ZNF438: variants seen among roughly 807,000 people sequenced by gnomAD.
The protein encoded by ZNF438 is zinc finger protein 438.
A neutral mutation model predicts 38.0 loss-of-function variants in ZNF438; 25 were observed. The ratio of observed to expected loss-of-function variants is 0.66; its 90% CI spans 0.48 to 0.92. ZNF438 has a LOEUF of 0.92. ZNF438 is among the 40% of genes least tolerant of loss of function. The pLI, the probability that ZNF438 is intolerant of heterozygous loss-of-function variation, is 0.00. For synonymous variants in ZNF438, 372 were observed against 364.1 expected, an observed-to-expected ratio of 1.02 and a Z score of -0.25; for missense variants, 1,007 against 999.6, an observed-to-expected ratio of 1.01 and a Z score of -0.10.
chr10:31,013,777 C>T (rs1343067201), intron 1 of ZNF438, among the ~76,000 whole-genome samples: 1 of 152,196 alleles, frequency 6.6e-6, no homozygotes, highest in Non-Finnish European at 1.5e-5. Context: ...TAAATGCTTA[C>T]ATTTCTCCCA....
chr10:30,994,680 AG>A (rs1460591346), intron 1 of ZNF438, among the ~76,000 whole-genome samples: 1 of 152,202 alleles, frequency 6.6e-6, no homozygotes, highest in Non-Finnish European at 1.5e-5. Flanking sequence ...TTACAGTAAC[AG>A]AAAATGGACT....
chr10:30,976,336 C>T (rs2136316762), intron 1 of ZNF438, among the ~76,000 whole-genome samples: 1 of 152,194 alleles, frequency 6.6e-6, no homozygotes, highest in South Asian at 2.1e-4. Flanking sequence ...GGAAACATAT[C>T]TAAAAGTAAT....
intron 1 of ZNF438, among the ~76,000 whole-genome samples, chr10:31,016,114 T>C (rs898281478): frequency 1.1e-4 from 16 of 152,118 alleles, no homozygotes; most frequent in Admixed American, 7.2e-4. Flanking sequence ...ATAATAACCA[T>C]GCAAATATAA....
intron 1 of ZNF438, among the ~76,000 whole-genome samples, chr10:31,009,687 G>A (rs1429105247): frequency 6.6e-6 from 1 of 152,094 alleles, no homozygotes; most frequent in East Asian, 1.9e-4. Flanking sequence ...TTATCTTAAA[G>A]ATTCACTCTC....
intron 1 of ZNF438, among the ~76,000 whole-genome samples, chr10:31,013,294 G>C (rs2055891989): frequency 6.6e-6 from 1 of 151,962 alleles, no homozygotes; most frequent in Non-Finnish European, 1.5e-5. Flanking sequence ...ACTCCAGCCT[G>C]GGCGACAGAG....
intron 4 of ZNF438, 137 bp from the exon 6 acceptor site, chr10:30,850,504 T>G: frequency 1.1e-6 from 1 of 941,702 alleles, no homozygotes; most frequent in Non-Finnish European, 1.5e-6. Context: ...CAAAATCTTG[T>G]GTCCCTCAAG....
At chr10:30,848,817 T>C in exon 5 of ZNF438, 3 of 1,614,226 alleles carry the variant, frequency 1.9e-6, no homozygotes, top group Non-Finnish European at 2.5e-6. Context: ...CGTCTGTTGG[T>C]GTGTGTATTC....
intron 2 of ZNF438, among the ~76,000 whole-genome samples, chr10:30,909,894 T>C (rs2042913993): frequency 6.6e-6 from 1 of 152,194 alleles, no homozygotes; most frequent in East Asian, 1.9e-4. Context: ...TATCACAAAA[T>C]ATCCACACAA....
At chr10:31,025,504 C>T (rs2934627) in intron 1 of ZNF438, among the ~76,000 whole-genome samples, 1,624 of 152,312 alleles carry the variant, frequency 0.011, 16 homozygotes, top group Middle Eastern at 0.02. Context: ...TGCTTGGTGG[C>T]TTGCAATGCA....
intron 3 of ZNF438, among the ~76,000 whole-genome samples, chr10:30,904,471 T>C (rs1025024677): frequency 6.6e-6 from 1 of 152,220 alleles, no homozygotes; most frequent in East Asian, 1.9e-4. Flanking sequence ...TATCAGTCCC[T>C]GCCTAGACCA....
intron 4 of ZNF438, among the ~76,000 whole-genome samples, chr10:30,866,573 G>A (rs541162116): frequency 1.2e-4 from 18 of 152,124 alleles, no homozygotes; most frequent in Middle Eastern, 3.4e-3. Flanking sequence ...GGTGGCTCAC[G>A]CCTGTAATCC....
rs113569822 is a variant in ZNF438, at chr10:31,029,880, G to A, written c.-192+1953C>T. Among the ~76,000 whole-genome samples the A allele has an allele frequency of 6.2e-3, 949 of 152,302 alleles. 12 individuals carry two copies. Among genetic ancestry groups the A allele is most frequent in the African/African-American group, 0.021 (889 of 41,564 alleles). ...CTGGACCACCTCAGAGCATTGTCCT[G>A]TGCTGTTCCTGCTGTGAGGCCGAAA... On this transcript the variant is annotated intron_variant, in intron 1 of 5. Coordinates refer to ENST00000413025, the Ensembl canonical transcript of ZNF438.
At chr10:30,968,214 T>A (rs1280350769) in intron 1 of ZNF438, among the ~76,000 whole-genome samples, 3 of 152,010 alleles carry the variant, frequency 2.0e-5, no homozygotes, top group Non-Finnish European at 4.4e-5. Context: ...GGCAAACTCA[T>A]CCTAAGTAGG....
chr10:30,872,133 G>A (rs1329808890), intron 4 of ZNF438, among the ~76,000 whole-genome samples: 1 of 151,974 alleles, frequency 6.6e-6, no homozygotes, highest in African/African-American at 2.4e-5. Flanking sequence ...CGGTGGCTCA[G>A]GCCTGTAATC....
chr10:30,876,918 A>G (rs2038514806), intron 4 of ZNF438, 80 bp downstream of exon 5: 2 of 1,058,716 alleles, frequency 1.9e-6, no homozygotes, highest in Admixed American at 4.8e-5. Flanking sequence ...TTACCTTATG[A>G]TTAGAGGTCA....
At chr10:30,873,180 G>GAAAACT (rs1265645316) in intron 4 of ZNF438, among the ~76,000 whole-genome samples, 7 of 152,108 alleles carry the variant, frequency 4.6e-5, no homozygotes, top group African/African-American at 1.7e-4. Flanking sequence ...GGAGGTTATG[G>GAAAACT]AAAACTAAAT....
At chr10:31,020,619 G>T (rs905969304) in intron 1 of ZNF438, among the ~76,000 whole-genome samples, 1 of 152,062 alleles carries the variant, frequency 6.6e-6, no homozygotes, top group Admixed American at 6.6e-5. Flanking sequence ...TGGTTTAAAG[G>T]AGGTTGCATT....
chr10:30,849,634 T>C lies in ZNF438; in HGVS notation c.771A>G (p.Glu257=), dbSNP rs201499045. ...CAAGATCAACTTGTTCTTTAAATTT[T>C]TCACTGGCAACAGCAGAAGGTTTAC... Residue 257 remains glutamate, a synonymous_variant, in exon 5 of 6, where the codon GAA becomes GAG. Transcript: ENST00000413025. The C allele has an allele frequency of 1.4e-5, 22 of 1,614,116 alleles. No individual in the cohort carries two copies. In the Admixed American group the frequency reaches 2.7e-4, roughly 20 times the overall value.
exon 5 of ZNF438, chr10:30,848,712 T>C: frequency 6.2e-7 from 1 of 1,614,224 alleles, no homozygotes; most frequent in Non-Finnish European, 8.5e-7. Flanking sequence ...CACATGAGTT[T>C]CTTCAGACGG....
Sources: gnomAD v4.1 joint callset for allele counts (sites outside exome capture counted in the v4.1 genomes callset) on GRCh38, gnomAD v4.1.1 for gene constraint, MANE v1.5 for transcripts, NCBI Gene and HGNC (gene_info 2026-07-23, HGNC 2026-07-21) for gene names.